ZFYVE16: variants seen among roughly 807,000 people sequenced by gnomAD.
ZFYVE16 encodes the protein zinc finger FYVE-type containing 16.
A neutral mutation model predicts 138.1 loss-of-function variants in ZFYVE16; 89 were observed. That is an observed-to-expected ratio of 0.64 (90% CI 0.54 to 0.77). The LOEUF (loss-of-function observed/expected upper bound fraction) is 0.77. Ranked by LOEUF, ZFYVE16 falls within the 30% of genes least tolerant of loss-of-function variation. The probability of loss-of-function intolerance (pLI) is 0.00; values close to 1 mark genes in which losing one functional copy is unlikely to be tolerated. For synonymous variants in ZFYVE16, 596 were observed against 618.3 expected (o/e 0.96, Z 0.53); for missense variants, 1,793 against 1,786.7 (o/e 1.00, Z -0.06).
At chr5:80,434,952 C>G (rs1445278832) in intron 3 of ZFYVE16, among the ~76,000 whole-genome samples, 1 of 152,158 alleles carries the variant, frequency 6.6e-6, no homozygotes, top group Non-Finnish European at 1.5e-5. Flanking sequence ...ACCTCCACTT[C>G]CCGGGTTCAA....
At chr5:80,450,377 G>GT in intron 9 of ZFYVE16, 54 bp from the exon 10 acceptor site, 1 of 1,554,560 alleles carries the variant, frequency 6.4e-7, no homozygotes, top group Non-Finnish European at 8.8e-7. Context: ...ATTGTTCTTA[G>GT]TTTTTTGACT....
At chr5:80,463,419 G>A (rs558149935) in intron 15 of ZFYVE16, among the ~76,000 whole-genome samples, 1 of 152,028 alleles carries the variant, frequency 6.6e-6, no homozygotes, top group African/African-American at 2.4e-5. Context: ...GTGGGACACT[G>A]GGCACCAAGT....
chr5:80,437,344 A>C lies in ZFYVE16; in HGVS notation c.659A>C (p.Asn220Thr). The change falls in exon 4 of 19, where the codon AAT becomes ACT. Residue 220 changes from asparagine to threonine, a missense_variant. This residue lies in a region of ZFYVE16 where 1,295 missense variants were observed against 1,204.3 expected (regional missense o/e 1.08). Coordinates refer to ENST00000505560, the MANE Select transcript of ZFYVE16 (RefSeq NM_001284236.3). ...KVDTTLSDSY[N>T]YSGTENLKDK... ...GATACAACACTTTCAGATTCCTATA[A>C]TTACAGTGGAACAGAAAATTTAAAA... The C allele has an allele frequency of 6.2e-7, 1 of 1,601,620 alleles. No homozygotes were observed.
intron 6 of ZFYVE16, among the ~76,000 whole-genome samples, chr5:80,444,742 TTTC>T (rs1284182078): frequency 6.6e-6 from 1 of 151,700 alleles, no homozygotes; most frequent in Non-Finnish European, 1.5e-5. Flanking sequence ...GGTTTTTAAA[TTTC>T]TTTTTTTCTT....
At chr5:80,434,841 C>T (rs1749646885) in intron 3 of ZFYVE16, among the ~76,000 whole-genome samples, 1 of 151,990 alleles carries the variant, frequency 6.6e-6, no homozygotes, top group Non-Finnish European at 1.5e-5. Context: ...TTCATTACAA[C>T]AAGAGATGGT....
At chr5:80,472,963 G>C in intron 16 of ZFYVE16, 40 bp downstream of exon 16, 1 of 1,502,168 alleles carries the variant, frequency 6.7e-7, no homozygotes, top group African/African-American at 1.4e-5. Context: ...TGATTTGAAG[G>C]AAAGTGCAGG....
In ZFYVE16 at chr5:80,443,262, A is replaced by T. The variant is rs1750920114; in HGVS notation, c.2559A>T (p.Ala853=). 1 of 1,609,032 alleles carries T rather than the reference A, an allele frequency of 6.2e-7. No individual in the cohort carries two copies. The highest frequency in any genetic ancestry group is 8.5e-7 in the Non-Finnish European group (1 of 1,178,916). The change falls in exon 6 of 19, where the codon GCA becomes GCT. Residue 853 remains alanine, a synonymous_variant. Coordinates refer to ENST00000505560, the MANE Select transcript of ZFYVE16 (RefSeq NM_001284236.3). ...CACCAGCAACTTTGCCAGTCTCAGC[A>T]CTTAAACAACCAGGTGTTGAAGGTA... ...IPSPATLPVS[A]LKQPGVEGLC... is the part of the protein sequence containing the mutation.
intron 10 of ZFYVE16, 127 bp from the exon 11 acceptor site, chr5:80,451,358 G>A: frequency 1.5e-6 from 1 of 677,960 alleles, no homozygotes; most frequent in South Asian, 2.2e-5. Flanking sequence ...CTTAACTTCA[G>A]ACAGTTTATA....
intron 6 of ZFYVE16, 61 bp from the exon 7 acceptor site, chr5:80,445,202 T>A: frequency 1.3e-6 from 2 of 1,565,866 alleles, no homozygotes; most frequent in Non-Finnish European, 1.7e-6. Context: ...ACAATCTTTT[T>A]GGCATTAAAT....
chr5:80,468,195 C>T (rs1753933993), intron 15 of ZFYVE16, among the ~76,000 whole-genome samples: 1 of 152,180 alleles, frequency 6.6e-6, no homozygotes, highest in Non-Finnish European at 1.5e-5. Context: ...AAATCATTAG[C>T]TTAATTTTGA....
At chr5:80,463,294 A>G (rs1753331189) in intron 15 of ZFYVE16, among the ~76,000 whole-genome samples, 1 of 152,194 alleles carries the variant, frequency 6.6e-6, no homozygotes, top group South Asian at 2.1e-4. Context: ...CCCAAACCAC[A>G]ATTCTTGACT....
chr5:80,421,429 G>A (rs1369509631), intron 1 of ZFYVE16, among the ~76,000 whole-genome samples: 5 of 152,130 alleles, frequency 3.3e-5, no homozygotes, highest in Admixed American at 2.0e-4. Flanking sequence ...ATGGTTTTAG[G>A]TCTAACATTT....
Position 80,439,125 on chromosome 5 carries a change from G to A in ZFYVE16, c.2322+118G>A, listed in dbSNP as rs1750365518. 4.6e-5 allele frequency: 50 copies of A among 1,078,956 alleles called. No individual in the cohort carries two copies. In the South Asian group the frequency reaches 8.7e-4, roughly 19 times the overall value. 66.8% of individuals were successfully genotyped at this position (1,078,956 alleles called of 1,614,324 possible). A position where few individuals can be genotyped will look rare whatever the true frequency, so the allele number is the denominator to read the frequency against. On this transcript the variant is annotated intron_variant, in intron 4 of 18. Transcript: ENST00000505560. ...AAGATTGAGTTAGTTTAAAATCAGT[G>A]TTTTTCATCTACCAGTCAGGGAAAT...
At chr5:80,477,083 AT>A (rs898887703) in intron 18 of ZFYVE16, 135 bp from the exon 19 acceptor site, 139 of 712,986 alleles carry the variant, frequency 1.9e-4, no homozygotes, top group Non-Finnish European at 2.5e-4. Context: ...AGAATGTAGA[AT>A]TTTTTTATAA....
rs534001401 is a variant in ZFYVE16, at chr5:80,422,592, T to C, written c.-93-4900T>C. 1.7e-3 allele frequency among the ~76,000 whole-genome samples: 263 copies of C among 152,170 alleles called. 1 individual carries two copies. Among genetic ancestry groups the C allele is most frequent in the Admixed American group, 4.1e-3 (63 of 15,274 alleles). Reference sequence around the variant, plus strand: ...GCCTCAGCCTTCTGAGTAGCTGGGATTACAGGTGCCCGCCACCATGCCAGG... The same window carrying C: ...GCCTCAGCCTTCTGAGTAGCTGGGACTACAGGTGCCCGCCACCATGCCAGG... On this transcript the variant is annotated intron_variant, in intron 1 of 18. Transcript: ENST00000505560.
Position 80,443,129 on chromosome 5 carries a change from C to T in ZFYVE16, c.2426C>T (p.Ala809Val). 1 of 1,543,824 alleles carries T rather than the reference C, an allele frequency of 6.5e-7. No individual in the cohort carries two copies. Among genetic ancestry groups the T allele is most frequent in the Non-Finnish European group, 8.6e-7 (1 of 1,157,188 alleles). ...VCYETISKAQ[A>V]FERMMSPTGS... The stretch of plus-strand genomic sequence containing the variant: ...ATTGTTTTCCCCTTTATAGCTCAGG[C>T]ATTTGAAAGGATGATGAGTCCAACT... The change falls in exon 6 of 19, where the codon GCA becomes GTA. Residue 809 changes from alanine (A) to valine (V), a missense_variant. By Grantham distance (64) the Ala-to-Val change is moderately conservative. Coordinates refer to ENST00000505560, the MANE Select transcript of ZFYVE16 (RefSeq NM_001284236.3).
intron 6 of ZFYVE16, among the ~76,000 whole-genome samples, chr5:80,443,548 A>G (rs1167032146): frequency 6.6e-6 from 1 of 152,200 alleles, no homozygotes; most frequent in Non-Finnish European, 1.5e-5. Flanking sequence ...AGCTCAGTAC[A>G]GGAGCACCAG....
Position 80,477,423 on chromosome 5 carries a change from C to T in ZFYVE16, c.*46C>T. 6.4e-7 allele frequency: 1 copy of T among 1,552,414 alleles called. No individual in the cohort carries two copies. On this transcript the variant is annotated 3_prime_UTR_variant, in exon 19 of 19. Transcript: ENST00000505560. ...CATATTGCAACCTAATTTGTTAAAA[C>T]TAACTCCAGCACTAAAGCTGAAATG...
chr5:80,427,228 G>T (rs79399764), intron 1 of ZFYVE16, among the ~76,000 whole-genome samples: 2,251 of 151,850 alleles, frequency 0.015, 44 homozygotes, highest in East Asian at 0.11. Context: ...CATGTCCTTG[G>T]GTAGGATAAA....
Sources: gnomAD v4.1 joint callset for allele counts (sites outside exome capture counted in the v4.1 genomes callset) on GRCh38, gnomAD v4.1.1 for gene constraint, gnomAD v4.1.1 regional missense constraint, MANE v1.5 for transcripts, NCBI Gene and HGNC (gene_info 2026-07-23, HGNC 2026-07-21) for gene names.